SYNPO2: variants seen among roughly 807,000 people sequenced by gnomAD.
SYNPO2 encodes the protein synaptopodin-2.
Under a neutral mutation model 85.0 loss-of-function variants are expected in SYNPO2, and 56 were observed. That is an observed-to-expected ratio of 0.66 (90% CI 0.53 to 0.82). The LOEUF (loss-of-function observed/expected upper bound fraction) is 0.82. Ranked by LOEUF, SYNPO2 falls within the 40% of genes least tolerant of loss-of-function variation. The probability of loss-of-function intolerance (pLI) is 0.00; values close to 1 mark genes in which losing one functional copy is unlikely to be tolerated. For synonymous variants in SYNPO2, 602 were observed against 591.1 expected (o/e 1.02, Z -0.27); for missense variants, 1,575 against 1,534.2 (o/e 1.03, Z -0.44).
intron 1 of SYNPO2, among the ~76,000 whole-genome samples, chr4:118,894,555 G>A (rs1732487296): frequency 1.4e-5 from 1 of 71,826 alleles, no homozygotes; most frequent in Non-Finnish European, 3.4e-5. Context: ...GGGAACGTCG[G>A]GGGAACGTCG....
chr4:118,987,673 C>A (rs758269444), intron 1 of SYNPO2, among the ~76,000 whole-genome samples: 1 of 150,752 alleles, frequency 6.6e-6, no homozygotes, highest in Non-Finnish European at 1.5e-5. Context: ...AATGTGAACT[C>A]GAATTACTGC....
intron 1 of SYNPO2, among the ~76,000 whole-genome samples, chr4:118,967,795 C>T (rs534693947): frequency 6.6e-6 from 1 of 151,948 alleles, no homozygotes; most frequent in East Asian, 1.9e-4. Flanking sequence ...ACACCAGATT[C>T]TCTCCAGAAG....
At chr4:118,915,083 T>A (rs184922974) in intron 1 of SYNPO2, among the ~76,000 whole-genome samples, 2 of 151,804 alleles carry the variant, frequency 1.3e-5, no homozygotes, top group East Asian at 3.9e-4. Flanking sequence ...GAGCCATAGA[T>A]CATGAATTTT....
intron 3 of SYNPO2, 22 bp from the exon 4 acceptor site, chr4:119,029,820 ATTT>A: frequency 7.1e-7 from 1 of 1,411,862 alleles, no homozygotes; most frequent in Non-Finnish European, 9.5e-7. Context: ...GCTCAATATA[ATTT>A]TTTTTTTTTT....
chr4:119,022,935 C>T (rs554754284), intron 1 of SYNPO2, among the ~76,000 whole-genome samples: 3 of 151,776 alleles, frequency 2.0e-5, no homozygotes, highest in Non-Finnish European at 4.4e-5. Flanking sequence ...CACCACCATG[C>T]CCAGCTAATT....
Position 118,852,434 on chromosome 4 carries a change from G to A in SYNPO2, c.12+1494G>A, listed in dbSNP as rs556957097. ...AACACGCACACGTATGTTCATTACAGCAGTATTCGCAATAGCAAAGACATA... is the reference window on the plus strand; with the variant it reads ...AACACGCACACGTATGTTCATTACAACAGTATTCGCAATAGCAAAGACATA... On this transcript the variant is annotated intron_variant, in intron 1 of 4. Coordinates refer to the SYNPO2 transcript ENST00000610556. Among the ~76,000 whole-genome samples the A allele has an allele frequency of 1.2e-4, 19 of 152,260 alleles. No individual in the cohort carries two copies. In the East Asian group the frequency reaches 3.7e-3, roughly 29 times the overall value.
chr4:118,996,880 AAGAC>A (rs1327128922), intron 1 of SYNPO2, among the ~76,000 whole-genome samples: 1 of 150,010 alleles, frequency 6.7e-6, no homozygotes, highest in Non-Finnish European at 1.5e-5. Flanking sequence ...AAAGTGTCAT[AAGAC>A]AGAGCAATCA....
chr4:119,053,129 C>T (rs114622348), intron 4 of SYNPO2, among the ~76,000 whole-genome samples: 1 of 152,332 alleles, frequency 6.6e-6, no homozygotes, highest in African/African-American at 2.4e-5. Context: ...GTTTCTGGCT[C>T]AGGGTATATC....
chr4:119,009,877 A>C (rs1004385550), intron 1 of SYNPO2, among the ~76,000 whole-genome samples: 7 of 152,216 alleles, frequency 4.6e-5, no homozygotes, highest in South Asian at 2.1e-4. Flanking sequence ...TCTCGTTAAA[A>C]TGAAGATGTT....
At chr4:118,959,420 A>C (rs992982755) in intron 1 of SYNPO2, among the ~76,000 whole-genome samples, 2 of 152,190 alleles carry the variant, frequency 1.3e-5, no homozygotes, top group African/African-American at 4.8e-5. Context: ...CAAAATAAAA[A>C]AGGGCTTTTC....
intron 4 of SYNPO2, chr4:119,034,479 G>T (rs1408122915): frequency 3.0e-6 from 3 of 985,318 alleles, no homozygotes; most frequent in Non-Finnish European, 3.6e-6. Flanking sequence ...CAAATAACAT[G>T]ACTATGCCTT....
rs1040558660 is a variant in SYNPO2, at chr4:119,030,966, C to A, written c.2191C>A (p.Pro731Thr). The A allele has an allele frequency of 1.2e-6, 2 of 1,614,022 alleles. No homozygotes were observed. Among genetic ancestry groups the A allele is most frequent in the African/African-American group, 2.7e-5 (2 of 74,900 alleles). The change falls in exon 4 of 5, where the codon CCG (proline) becomes ACG (threonine). Residue 731 changes from proline (P) to threonine (T), a missense_variant. By Grantham distance (38) the Pro-to-Thr change is conservative. This residue lies in a region of SYNPO2 where 1,508 missense variants were observed against 1,446.8 expected (regional missense o/e 1.04). Transcript: ENST00000307142. ...RGTGAGGDSGPEEDYLSLGAE... is the reference protein window; with the variant it reads ...RGTGAGGDSGTEEDYLSLGAE... ...CACTGGAGCTGGAGGTGATTCCGGA[C>A]CGGAAGAAGACTACCTCAGCTTGGG...
At chr4:118,971,349 G>A (rs1001137319) in intron 1 of SYNPO2, among the ~76,000 whole-genome samples, 4 of 152,208 alleles carry the variant, frequency 2.6e-5, no homozygotes, top group African/African-American at 9.7e-5. Flanking sequence ...CAAGACAGCA[G>A]AGGACTGGGC....
chr4:118,977,048 C>T (rs911284114), intron 1 of SYNPO2, among the ~76,000 whole-genome samples: 3 of 152,232 alleles, frequency 2.0e-5, no homozygotes, highest in African/African-American at 4.8e-5. Context: ...GCCGTGCGCT[C>T]GCATTCCTCA....
At chr4:118,953,464 T>G in intron 1 of SYNPO2, among the ~76,000 whole-genome samples, 1 of 152,144 alleles carries the variant, frequency 6.6e-6, no homozygotes, top group East Asian at 1.9e-4. Context: ...CAGGTGCTCA[T>G]TACACATCCA....
At chr4:118,855,933 A>G (rs1731497191) in intron 1 of SYNPO2, among the ~76,000 whole-genome samples, 3 of 152,114 alleles carry the variant, frequency 2.0e-5, no homozygotes, top group South Asian at 2.1e-4. Flanking sequence ...TTTTCTGTCT[A>G]TAAAATCCAG....
chr4:118,860,619 G>A (rs778523346), intron 1 of SYNPO2, among the ~76,000 whole-genome samples: 58 of 146,540 alleles, frequency 4.0e-4, no homozygotes, highest in Admixed American at 8.8e-4. Flanking sequence ...GCAGTGGCGT[G>A]ATCTTGGCTC....
chr4:118,978,959 C>T (rs769657621), intron 1 of SYNPO2, among the ~76,000 whole-genome samples: 8 of 152,194 alleles, frequency 5.3e-5, no homozygotes, highest in Admixed American at 2.0e-4. Context: ...GGCCCGCACA[C>T]ATAGCGCATT....
intron 1 of SYNPO2, among the ~76,000 whole-genome samples, chr4:118,964,563 G>A (rs988339235): frequency 1.3e-5 from 2 of 151,828 alleles, no homozygotes; most frequent in African/African-American, 4.8e-5. Context: ...AAACCATCAG[G>A]TTTTATTTAT....
Sources: allele counts gnomAD v4.1 joint callset (sites outside exome capture counted in the v4.1 genomes callset), GRCh38; gene constraint gnomAD v4.1.1; regional missense constraint gnomAD v4.1.1; transcripts MANE v1.5; gene names NCBI Gene and HGNC (gene_info 2026-07-23, HGNC 2026-07-21).